CFAP95: variants seen among roughly 807,000 people sequenced by gnomAD.
CFAP95 encodes cilia and flagella associated protein 95, also known as cilia- and flagella-associated protein 95.
the CFAP95 span, among the ~76,000 whole-genome samples, chr9:69,873,548 T>C: frequency 6.6e-6 from 1 of 152,162 alleles, no homozygotes; most frequent in Non-Finnish European, 1.5e-5. Flanking sequence ...CAGGGTCAGG[T>C]AGATTCCGTG....
At chr9:69,840,217 A>G in the CFAP95 span, among the ~76,000 whole-genome samples, 6 of 152,220 alleles carry the variant, frequency 3.9e-5, no homozygotes, top group Admixed American at 3.9e-4. Context: ...CATTGCAACA[A>G]ATAAAAAATC....
the CFAP95 span, among the ~76,000 whole-genome samples, chr9:69,839,140 A>G: frequency 0.027 from 1,715 of 62,794 alleles, 105 homozygotes; most frequent in African/African-American, 0.096. Flanking sequence ...TTTTGCCAGT[A>G]TTTTATTGAG....
the CFAP95 span, among the ~76,000 whole-genome samples, chr9:69,851,376 T>C: frequency 6.6e-6 from 1 of 152,144 alleles, no homozygotes; most frequent in South Asian, 2.1e-4. Flanking sequence ...AGCCTATTGG[T>C]CCCATTTCAA....
At chr9:69,886,312 A>G in the CFAP95 span, among the ~76,000 whole-genome samples, 3 of 152,170 alleles carry the variant, frequency 2.0e-5, no homozygotes, top group Admixed American at 6.5e-5. Context: ...GTGCTTAAAG[A>G]TGAAAGTTCT....
chr9:69,867,547 G>A, the CFAP95 span, among the ~76,000 whole-genome samples: 1 of 152,192 alleles, frequency 6.6e-6, no homozygotes, highest in African/African-American at 2.4e-5. Flanking sequence ...CCCTGAACAT[G>A]CATGCTGCTG....
chr9:69,868,684 A>C, the CFAP95 span, among the ~76,000 whole-genome samples: 36,168 of 147,744 alleles, frequency 0.24, 4,899 homozygotes, highest in Non-Finnish European at 0.29. Flanking sequence ...AAAACCAAAA[A>C]CAAAAACAAA....
chr9:69,824,558 C>CTT, the CFAP95 span, among the ~76,000 whole-genome samples: 5 of 138,970 alleles, frequency 3.6e-5, no homozygotes, highest in Admixed American at 7.3e-5. Flanking sequence ...CTATTTAATG[C>CTT]TTTTTTTTTT....
the CFAP95 span, among the ~76,000 whole-genome samples, chr9:69,859,081 G>A: frequency 7.9e-5 from 12 of 152,148 alleles, no homozygotes; most frequent in African/African-American, 1.4e-4. Context: ...TCTGCTGGAC[G>A]TGGTGAACCT....
chr9:69,876,469 G>A, the CFAP95 span, among the ~76,000 whole-genome samples: 1 of 151,872 alleles, frequency 6.6e-6, no homozygotes, highest in South Asian at 2.1e-4. Flanking sequence ...GGAGGCAGAG[G>A]TTGCAGTGAG....
At chr9:69,901,254 C>T in the CFAP95 span, among the ~76,000 whole-genome samples, 1 of 151,938 alleles carries the variant, frequency 6.6e-6, no homozygotes, top group Non-Finnish European at 1.5e-5. Context: ...TCTCCTGCCT[C>T]AGCCTCCCGA....
At chr9:69,848,401 G>A in the CFAP95 span, among the ~76,000 whole-genome samples, 1 of 152,186 alleles carries the variant, frequency 6.6e-6, no homozygotes. Context: ...GCCGAGGCAA[G>A]ACATTTAAGT....
the CFAP95 span, among the ~76,000 whole-genome samples, chr9:69,891,474 A>G: frequency 6.6e-6 from 1 of 151,260 alleles, no homozygotes; most frequent in Non-Finnish European, 1.5e-5. Flanking sequence ...TAAAGACAAA[A>G]GTAATCCGAG....
At chr9:69,879,545 G>GACAT in the CFAP95 span, among the ~76,000 whole-genome samples, 96 of 152,276 alleles carry the variant, frequency 6.3e-4, no homozygotes, top group Middle Eastern at 3.4e-3. Context: ...ATATGCATAT[G>GACAT]ACATACATCC....
At chr9:69,840,373 G>A in the CFAP95 span, among the ~76,000 whole-genome samples, 1 of 152,066 alleles carries the variant, frequency 6.6e-6, no homozygotes, top group African/African-American at 2.4e-5. Context: ...AGTTAGTTTT[G>A]ACAAAGTGTT....
At chr9:69,862,418 G>A in the CFAP95 span, among the ~76,000 whole-genome samples, 1 of 152,162 alleles carries the variant, frequency 6.6e-6, no homozygotes, top group African/African-American at 2.4e-5. Flanking sequence ...AATTCCATAT[G>A]TAATTCTTTC....
the CFAP95 span, among the ~76,000 whole-genome samples, chr9:69,895,506 C>T: frequency 3.3e-5 from 5 of 152,088 alleles, no homozygotes; most frequent in South Asian, 1.0e-3. Flanking sequence ...GATTCTGTCT[C>T]AATGATCTTT....
chr9:69,843,621 CTTCTTCTTCCT>C, the CFAP95 span, among the ~76,000 whole-genome samples: 4 of 68,320 alleles, frequency 5.9e-5, no homozygotes, highest in African/African-American at 3.5e-4. Context: ...TCTTCTTCTT[CTTCTTCTTCCT>C]CCTCCTCCTC....
the CFAP95 span, among the ~76,000 whole-genome samples, chr9:69,839,567 C>G: frequency 6.6e-6 from 1 of 151,826 alleles, no homozygotes; most frequent in African/African-American, 2.4e-5. Flanking sequence ...GCTGGGATTA[C>G]AGGCACGTGC....
At chr9:69,884,299 G>A in the CFAP95 span, 2 of 152,084 alleles carry the variant, frequency 1.3e-5, no homozygotes, top group Non-Finnish European at 2.9e-5. Flanking sequence ...TTAGAGACAG[G>A]ATCTCTCTCT....
Sources: gnomAD v4.1 joint callset for allele counts (sites outside exome capture counted in the v4.1 genomes callset) on GRCh38, gnomAD v4.1.1 for gene constraint, MANE v1.5 for transcripts, NCBI Gene and HGNC (gene_info 2026-07-23, HGNC 2026-07-21) for gene names.